SH3GL3: variants seen among roughly 807,000 people sequenced by gnomAD.
SH3GL3 encodes endophilin-A3.
A neutral mutation model predicts 47.7 loss-of-function variants in SH3GL3; 33 were observed. The observed-to-expected ratio is 0.69, with a 90% CI of 0.52 to 0.92. The LOEUF (loss-of-function observed/expected upper bound fraction) is 0.92, where lower values mean the gene tolerates loss of function less well. Ranked by LOEUF, SH3GL3 falls within the 40% of genes least tolerant of loss-of-function variation. The probability of loss-of-function intolerance (pLI) is 0.00; values close to 1 mark genes in which losing one functional copy is unlikely to be tolerated. For missense variants in SH3GL3, 363 were observed against 417.8 expected (o/e 0.87, Z 1.14); for synonymous variants, 155 against 148.8 (o/e 1.04, Z -0.30).
intron 1 of SH3GL3, among the ~76,000 whole-genome samples, chr15:83,476,824 T>A (rs926391682): frequency 6.6e-6 from 1 of 152,176 alleles, no homozygotes; most frequent in African/African-American, 2.4e-5. Flanking sequence ...TGCCAACAGT[T>A]TTTCTGGACT....
At chr15:83,509,871 C>A (rs1043966036) in intron 1 of SH3GL3, among the ~76,000 whole-genome samples, 8 of 152,126 alleles carry the variant, frequency 5.3e-5, no homozygotes, top group Non-Finnish European at 8.8e-5. Flanking sequence ...TTAAATTATA[C>A]CCTTGGAAAA....
chr15:83,555,223 G>C (rs1165978138), intron 1 of SH3GL3, among the ~76,000 whole-genome samples: 4 of 151,960 alleles, frequency 2.6e-5, no homozygotes. Flanking sequence ...TGTCTATCTT[G>C]AAAATTTCTT....
intron 1 of SH3GL3, among the ~76,000 whole-genome samples, chr15:83,457,645 C>T (rs2040064221): frequency 1.3e-5 from 2 of 152,198 alleles, no homozygotes; most frequent in Admixed American, 6.5e-5. Flanking sequence ...ATAAAATGCA[C>T]TTTGCACAAT....
At chr15:83,630,656 G>C in the SH3GL3 span, among the ~76,000 whole-genome samples, 7 of 152,236 alleles carry the variant, frequency 4.6e-5, no homozygotes, top group South Asian at 1.2e-3. Context: ...TAAAAAGTCA[G>C]ATCCTGTGAG....
At chr15:83,569,768 C>T (rs940615046) in intron 4 of SH3GL3, among the ~76,000 whole-genome samples, 2 of 152,236 alleles carry the variant, frequency 1.3e-5, no homozygotes, top group East Asian at 1.9e-4. Flanking sequence ...TTTTGGATCA[C>T]GTGTGAGGTG....
At chr15:83,558,694 T>TC (rs2045089199) in intron 1 of SH3GL3, among the ~76,000 whole-genome samples, 2 of 152,272 alleles carry the variant, frequency 1.3e-5, no homozygotes, top group African/African-American at 4.8e-5. Context: ...CCATGCCTCA[T>TC]CCCAGAAGGC....
At chr15:83,464,176 G>A (rs929112010) in intron 1 of SH3GL3, among the ~76,000 whole-genome samples, 1 of 152,112 alleles carries the variant, frequency 6.6e-6, no homozygotes, top group Non-Finnish European at 1.5e-5. Flanking sequence ...AAATCTCATG[G>A]TCACTTCTCC....
chr15:83,460,813 G>A (rs887047039), intron 1 of SH3GL3, among the ~76,000 whole-genome samples: 3 of 152,118 alleles, frequency 2.0e-5, no homozygotes, highest in Admixed American at 1.3e-4. Context: ...GGCCGGGTGC[G>A]GTGGCTTACA....
intron 1 of SH3GL3, among the ~76,000 whole-genome samples, chr15:83,490,007 G>C (rs556109770): frequency 6.6e-6 from 1 of 152,232 alleles, no homozygotes; most frequent in Non-Finnish European, 1.5e-5. Flanking sequence ...ACCAAATACT[G>C]TCTCTGTGGC....
intron 1 of SH3GL3, among the ~76,000 whole-genome samples, chr15:83,485,707 G>A (rs1308694052): frequency 6.6e-6 from 1 of 151,944 alleles, no homozygotes; most frequent in Non-Finnish European, 1.5e-5. Flanking sequence ...ATGTTGTCCA[G>A]GCTGGTCTCG....
At chr15:83,462,492 C>T (rs185159651) in intron 1 of SH3GL3, among the ~76,000 whole-genome samples, 4 of 152,300 alleles carry the variant, frequency 2.6e-5, no homozygotes, top group Non-Finnish European at 5.9e-5. Context: ...TTAGCACTGT[C>T]TGCTTTAATT....
At chr15:83,613,001 G>A (rs1013584637) in intron 8 of SH3GL3, among the ~76,000 whole-genome samples, 12 of 152,212 alleles carry the variant, frequency 7.9e-5, no homozygotes, top group Admixed American at 7.9e-4. Context: ...TTCATGTCTG[G>A]GTTCCACCCT....
At chr15:83,507,595 A>G (rs2042568028) in intron 1 of SH3GL3, among the ~76,000 whole-genome samples, 1 of 151,590 alleles carries the variant, frequency 6.6e-6, no homozygotes, top group Non-Finnish European at 1.5e-5. Flanking sequence ...TTGTAGTTTT[A>G]GTAGAGATGG....
At chr15:83,623,256 C>T (rs1214506347), downstream of SH3GL3, among the ~76,000 whole-genome samples, 1 of 152,196 alleles carries the variant, frequency 6.6e-6, no homozygotes. Context: ...AGCCACCCCC[C>T]AAATCAGTGA....
chr15:83,595,288 G>A (rs947779037), intron 8 of SH3GL3, among the ~76,000 whole-genome samples: 2 of 152,098 alleles, frequency 1.3e-5, no homozygotes, highest in Non-Finnish European at 2.9e-5. Flanking sequence ...ACTTGTAAGT[G>A]GGAGCTAAAC....
intron 1 of SH3GL3, among the ~76,000 whole-genome samples, chr15:83,507,714 C>CTATTTATTTAT (rs2042573552): frequency 6.6e-6 from 1 of 152,082 alleles, no homozygotes; most frequent in African/African-American, 2.4e-5. Context: ...CGCGCCTGGC[C>CTATTTATTTAT]TCATTCATTT....
chr15:83,515,241 A>G (rs144970618), intron 1 of SH3GL3, among the ~76,000 whole-genome samples: 13 of 152,336 alleles, frequency 8.5e-5, no homozygotes, highest in African/African-American at 3.1e-4. Context: ...GAGTGAGGCC[A>G]AGGCATGAGT....
intron 1 of SH3GL3, among the ~76,000 whole-genome samples, chr15:83,511,804 C>G (rs1294960725): frequency 6.6e-6 from 1 of 152,178 alleles, no homozygotes; most frequent in Non-Finnish European, 1.5e-5. Context: ...AAGCCACACC[C>G]TTGACATTTA....
downstream of SH3GL3, among the ~76,000 whole-genome samples, chr15:83,621,980 T>TAC (rs142805476): frequency 2.0e-3 from 308 of 151,408 alleles, 3 homozygotes; most frequent in African/African-American, 6.8e-3. Flanking sequence ...CAGCCAGCTA[T>TAC]ACACACACAC....
Sources: allele counts gnomAD v4.1 joint callset (sites outside exome capture counted in the v4.1 genomes callset), GRCh38; gene constraint gnomAD v4.1.1; transcripts MANE v1.5; gene names NCBI Gene and HGNC (gene_info 2026-07-23, HGNC 2026-07-21).